TGM7: variants seen among roughly 807,000 people sequenced by gnomAD.
The protein encoded by TGM7 is transglutaminase 7, also known as protein-glutamine gamma-glutamyltransferase Z.
Under a neutral mutation model 79.5 loss-of-function variants are expected in TGM7, and 74 were observed. The ratio of observed to expected loss-of-function variants is 0.93; its 90% confidence interval spans 0.77 to 1.13. The LOEUF (loss-of-function observed/expected upper bound fraction) is 1.13, where lower values mean the gene tolerates loss of function less well. TGM7 is among the 50% of genes most tolerant of loss of function. The pLI, the probability that TGM7 is intolerant of heterozygous loss-of-function variation, is 0.00. For synonymous variants in TGM7, 354 were observed against 362.5 expected, an observed-to-expected ratio of 0.98 and a Z score of 0.27; for missense variants, 912 against 905.9, an observed-to-expected ratio of 1.01 and a Z score of -0.09.
chr15:43,293,934 G>T (rs1302334892), intron 1 of TGM7, among the ~76,000 whole-genome samples: 12 of 139,318 alleles, frequency 8.6e-5, no homozygotes, highest in Non-Finnish European at 1.6e-4. Flanking sequence ...GGTGTGCGGG[G>T]GGATCGGCAT....
rs145520726 is a variant in TGM7 at position 43,287,317 on chromosome 15, G to A, written c.828C>T (p.Tyr276=). 1.4e-5 allele frequency: 22 copies of A among 1,613,942 alleles called. No homozygotes were observed. The highest frequency in any genetic ancestry group is 3.4e-4 in the Middle Eastern group (2 of 5,916). The change falls in exon 6 of 13, where the codon TAC becomes TAT. Residue 276 remains tyrosine, a synonymous_variant. Coordinates refer to ENST00000452443, the MANE Select transcript of TGM7 (RefSeq NM_052955.3). ...WSARGGQPVK[Y]GQCWVFASVM... ...CAGAGGCGAAGACCCAGCACTGTCC[G>A]TACTTCACAGGCTGCCCGCCCCTGG...
intron 7 of TGM7, among the ~76,000 whole-genome samples, chr15:43,284,241 G>T (rs952456749): frequency 6.6e-6 from 1 of 152,104 alleles, no homozygotes; most frequent in Non-Finnish European, 1.5e-5. Context: ...CTGGAAACTG[G>T]CTGGAAAAAG....
intron 4 of TGM7, among the ~76,000 whole-genome samples, chr15:43,288,889 A>T (rs1453644173): frequency 1.3e-5 from 2 of 152,150 alleles, no homozygotes; most frequent in Non-Finnish European, 2.9e-5. Context: ...ATGCCACTGC[A>T]CTCCAGCCTG....
At chr15:43,291,833 G>A (rs2042964745) in intron 4 of TGM7, 146 bp downstream of exon 4, 2 of 578,484 alleles carry the variant, frequency 3.5e-6, no homozygotes, top group East Asian at 5.6e-5. Flanking sequence ...CTCACTGGAT[G>A]TGAAGCTGGC....
intron 4 of TGM7, 51 bp from the exon 5 acceptor site, chr15:43,287,720 T>C (rs2042943495): frequency 6.4e-7 from 1 of 1,569,840 alleles, no homozygotes; most frequent in Non-Finnish European, 8.6e-7. Flanking sequence ...TGTCTAGACT[T>C]CTGAAACTTT....
intron 6 of TGM7, among the ~76,000 whole-genome samples, chr15:43,285,867 C>CA (rs397766868): frequency 1.3e-5 from 2 of 149,202 alleles, no homozygotes; most frequent in Admixed American, 6.6e-5. Context: ...CACACACACA[C>CA]CCCTGCCTGC....
chr15:43,287,445 C>T lies in TGM7; in HGVS notation c.700G>A (p.Asp234Asn), dbSNP rs778900864. ...RVVSAMINSN[D>N]DNGVLQGNWG... ...TTCCCCTGCAGCACGCCATTGTCAT[C>T]GTTGCTGTTGATCTGCAGAGGACAG... The change falls in exon 6 of 13, where the codon GAT becomes AAT. Residue 234 changes from aspartate (D) to asparagine (N), a missense_variant. Asp to Asn is a conservative substitution (Grantham distance 23). Transcript: ENST00000452443. 25 of 1,613,960 alleles carry T rather than the reference C, an allele frequency of 1.5e-5. No homozygotes were observed. Among genetic ancestry groups the T allele is most frequent in the Admixed American group, 3.3e-5 (2 of 60,008 alleles).
intron 4 of TGM7, among the ~76,000 whole-genome samples, chr15:43,291,395 C>T (rs1051456776): frequency 6.6e-6 from 1 of 152,144 alleles, no homozygotes; most frequent in Admixed American, 6.5e-5. Flanking sequence ...AAGCAGGTCT[C>T]TGTCTTAATA....
At position 43,279,931 on chromosome 15, in the gene TGM7, C is replaced by T. The variant is rs763859676; in HGVS notation, c.1372G>A (p.Val458Ile). 2.4e-5 allele frequency: 38 copies of T among 1,613,958 alleles called. No homozygotes were observed. In the East Asian group the frequency reaches 7.8e-4, roughly 33 times the overall value. ...YPEGSPEERA[V>I]FMKASRKMLG... is the part of the protein sequence containing the mutation. ...ATTTTCCGAGAAGCCTTCATGAAGA[C>T]AGCTCTCTCCTCAGGGGATCCTGCA... Residue 458 changes from valine (V) to isoleucine (I), a missense_variant, in exon 10 of 13, where the codon GTC becomes ATC. Physicochemically the swap from Val to Ile is conservative, Grantham distance 29. Coordinates refer to ENST00000452443, the MANE Select transcript of TGM7 (RefSeq NM_052955.3).
At chr15:43,297,009 TTCTTG>T (rs2042995302) in intron 1 of TGM7, among the ~76,000 whole-genome samples, 1 of 152,138 alleles carries the variant, frequency 6.6e-6, no homozygotes, top group Non-Finnish European at 1.5e-5. Flanking sequence ...CCACAAGGCC[TTCTTG>T]TCTTGGCCAC....
At position 43,276,397 on chromosome 15, in the gene TGM7, GA is replaced by G; in HGVS notation, c.*57del. On this transcript the variant is annotated 3_prime_UTR_variant, in exon 13 of 13. Coordinates refer to ENST00000452443, the MANE Select transcript of TGM7 (RefSeq NM_052955.3). The stretch of plus-strand genomic sequence containing the variant: ...GGTGGAGCCAAGACGACATAGCCAG[GA>G]GTAGAAAGGAGCCAGGTGGGGCAGG... 6.4e-7 allele frequency: 1 copy of G among 1,565,078 alleles called. No homozygotes were observed. Among genetic ancestry groups the G allele is most frequent in the African/African-American group, 1.4e-5 (1 of 73,662 alleles).
intron 9 of TGM7, among the ~76,000 whole-genome samples, chr15:43,281,432 A>G (rs1254635420): frequency 1.3e-5 from 2 of 152,258 alleles, no homozygotes; most frequent in Non-Finnish European, 2.9e-5. Flanking sequence ...AGGACATCCA[A>G]CCACATTTAA....
At position 43,292,136 on chromosome 15, in the gene TGM7, A is replaced by G. The variant is rs200018721; in HGVS notation, c.440-39T>C. 4.0e-5 allele frequency: 56 copies of G among 1,394,438 alleles called. No individual in the cohort carries two copies. The African/African-American group carries it at 7.4e-4, about 18-fold the overall frequency. The allele number at this position is 1,394,438 out of a possible 1,614,324, so 86.4% of individuals were successfully genotyped here. The stretch of plus-strand genomic sequence containing the variant: ...AGTAGTGGAGGGGGCAAAACCCCAA[A>G]CCAAAAAAACAGAGTATTAAATTAA... On this transcript the variant is annotated intron_variant, in intron 3 of 12. Transcript: ENST00000452443.
intron 11 of TGM7, 123 bp from the exon 12 acceptor site, chr15:43,277,118 A>G: frequency 2.3e-6 from 3 of 1,291,710 alleles, no homozygotes; most frequent in Non-Finnish European, 2.1e-6. Flanking sequence ...CTAATGTGCC[A>G]CAGTGGCGAG....
chr15:43,276,776 C>G, intron 12 of TGM7, 86 bp downstream of exon 12: 1 of 1,566,464 alleles, frequency 6.4e-7, no homozygotes, highest in Non-Finnish European at 8.7e-7. Context: ...AGGCACTGCA[C>G]AGGAGACTGA....
chr15:43,279,393 A>T lies in TGM7; in HGVS notation c.1679-116T>A. Reference sequence around the variant, plus strand: ...CACGTGAGAGGTAAAAGTGTGTGTGAGAGACAGACAGACAGCGTCCCACCA... The same window carrying T: ...CACGTGAGAGGTAAAAGTGTGTGTGTGAGACAGACAGACAGCGTCCCACCA... On this transcript the variant is annotated intron_variant, in intron 10 of 12. Transcript: ENST00000452443. The T allele has an allele frequency of 4.0e-6, 5 of 1,241,288 alleles. No individual in the cohort carries two copies. The South Asian group carries it at 7.2e-5, about 18-fold the overall frequency. The allele number at this position is 1,241,288 out of a possible 1,614,324, so 76.9% of individuals were successfully genotyped here. A position where few individuals can be genotyped will look rare whatever the true frequency, so the allele number is the denominator to read the frequency against.
In TGM7 at chr15:43,276,279, A is replaced by G. The variant is rs2042876512; in HGVS notation, c.*176T>C. On this transcript the variant is annotated 3_prime_UTR_variant, in exon 13 of 13. Coordinates refer to ENST00000452443, the MANE Select transcript of TGM7 (RefSeq NM_052955.3). Reference sequence around the variant, plus strand: ...AATAAGTGGCTTGAGAATGCTGGTGATAAATAAAGACATCTTTATTGTCTC... The same window carrying G: ...AATAAGTGGCTTGAGAATGCTGGTGGTAAATAAAGACATCTTTATTGTCTC... The G allele has an allele frequency of 2.6e-6, 2 of 759,766 alleles. No individual in the cohort carries two copies. The highest frequency in any genetic ancestry group is 2.0e-5 in the South Asian group (1 of 49,042). 47.1% of individuals were successfully genotyped at this position (759,766 alleles called of 1,614,324 possible). A position where few individuals can be genotyped will look rare whatever the true frequency, so the allele number is the denominator to read the frequency against.
rs556654921 is a variant in TGM7 at position 43,285,271 on chromosome 15, T to A, written c.866-319A>T. On this transcript the variant is annotated intron_variant, in intron 6 of 12. Transcript: ENST00000452443. ...AAGACAGAGGGCCAGGCGCGGTGGC[T>A]TACGCCTGTAATCCCAGCACTTTGG... 3.7e-4 allele frequency among the ~76,000 whole-genome samples: 57 copies of A among 152,312 alleles called. 1 individual carries two copies. The South Asian group carries it at 0.012, about 31-fold the overall frequency.
chr15:43,297,635 A>AAG (rs5812242), intron 1 of TGM7, among the ~76,000 whole-genome samples: 11 of 77,614 alleles, frequency 1.4e-4, no homozygotes, highest in Admixed American at 2.7e-4. Context: ...GAAAGAAAGA[A>AAG]AAAGAAAGAA....
Sources: allele counts gnomAD v4.1 joint callset (sites outside exome capture counted in the v4.1 genomes callset), GRCh38; gene constraint gnomAD v4.1.1; transcripts MANE v1.5; gene names NCBI Gene and HGNC (gene_info 2026-07-23, HGNC 2026-07-21).